Variants in DHDDS observed in about 807,000 individuals in gnomAD.
DHDDS encodes the protein dehydrodolichyl diphosphate synthase subunit.
DHDDS carries 16 observed loss-of-function variants against 46.2 expected under a neutral mutation model. The ratio of observed to expected loss-of-function variants is 0.35; its 90% confidence interval spans 0.23 to 0.53. DHDDS has a LOEUF of 0.53. Among genes scored for constraint, DHDDS ranks in the 20% least tolerant of loss-of-function variants. The pLI is 0.94. For synonymous variants in DHDDS, 151 were observed against 163.1 expected (o/e 0.93, Z 0.56); for missense variants, 340 against 423.7 (o/e 0.80, Z 1.73).
chr1:26,461,883 T>G (rs1402038016), intron 8 of DHDDS, among the ~76,000 whole-genome samples: 1 of 152,190 alleles, frequency 6.6e-6, no homozygotes, highest in African/African-American at 2.4e-5. Context: ...TTATCCACTG[T>G]CAGTGGGGAA....
intron 8 of DHDDS, among the ~76,000 whole-genome samples, chr1:26,465,467 C>T (rs1446623589): frequency 1.3e-5 from 2 of 152,182 alleles, no homozygotes; most frequent in Non-Finnish European, 2.9e-5. Context: ...GAGTTAATGT[C>T]TCAGACATTC....
At position 26,460,103 on chromosome 1, in the gene DHDDS, G is replaced by A. The variant is rs1229969030; in HGVS notation, c.724G>A (p.Glu242Lys). ...WPEYTFWNLFEAILQFQMNHS... is the reference protein window; with the variant it reads ...WPEYTFWNLFKAILQFQMNHS... ...AGAGTATACATTTTGGAACCTCTTCGAGGCCATCCTGCAGTTCCAGATGAA... is the reference window on the plus strand; with the variant it reads ...AGAGTATACATTTTGGAACCTCTTCAAGGCCATCCTGCAGTTCCAGATGAA... The change falls in exon 8 of 9, where the codon GAG (glutamate) becomes AAG (lysine). Residue 242 changes from glutamate (E) to lysine (K), a missense_variant. Transcript: ENST00000236342. The A allele has an allele frequency of 5.6e-6, 9 of 1,613,986 alleles. No individual in the cohort carries two copies. Among genetic ancestry groups the A allele is most frequent in the East Asian group, 2.2e-5 (1 of 44,894 alleles).
intron 3 of DHDDS, among the ~76,000 whole-genome samples, chr1:26,439,560 G>C (rs2075197241): frequency 6.6e-6 from 1 of 151,904 alleles, no homozygotes; most frequent in Non-Finnish European, 1.5e-5. Flanking sequence ...CCAACCTGGT[G>C]ACAGAGCAAG....
At chr1:26,462,069 T>G (rs553479547) in intron 8 of DHDDS, among the ~76,000 whole-genome samples, 17 of 151,382 alleles carry the variant, frequency 1.1e-4, no homozygotes, top group Middle Eastern at 3.4e-3. Context: ...TTTGTTTTTT[T>G]TTTTTTTTAG....
rs1375784790 is a variant in DHDDS at position 26,442,636 on chromosome 1, C to G, written c.181-95C>G. On this transcript the variant is annotated intron_variant, in intron 3 of 8. Transcript: ENST00000236342. Reference sequence around the variant, plus strand: ...CTTTGGGGAGGAGAAAAGTCTGTCTCCTATCTCCAACTCTGAGTCAGGACC... The same window carrying G: ...CTTTGGGGAGGAGAAAAGTCTGTCTGCTATCTCCAACTCTGAGTCAGGACC... 1.1e-5 allele frequency: 17 copies of G among 1,487,372 alleles called. No individual in the cohort carries two copies. The Admixed American group carries it at 2.8e-4, about 25-fold the overall frequency. 92.1% of individuals were successfully genotyped at this position (1,487,372 alleles called of 1,614,324 possible).
At chr1:26,447,753 C>A in intron 6 of DHDDS, 93 bp downstream of exon 6, 1 of 1,135,072 alleles carries the variant, frequency 8.8e-7, no homozygotes, top group Non-Finnish European at 1.3e-6. Flanking sequence ...CATTAGGAGG[C>A]CGAGGTGGGC....
chr1:26,463,992 CTTT>C (rs60149042), intron 8 of DHDDS, among the ~76,000 whole-genome samples: 1 of 93,766 alleles, frequency 1.1e-5, no homozygotes, highest in Non-Finnish European at 2.0e-5. Context: ...TATTTGCAAA[CTTT>C]TTTTTTTTTT....
chr1:26,463,734 G>A lies in DHDDS; in HGVS notation c.765+3590G>A, dbSNP rs569186786. ...TTGGTCAGGCTGGTCTCAAACCCCC[G>A]ACCTCAGGTGATCTGCCCGCCTCGG... On this transcript the variant is annotated intron_variant, in intron 8 of 8. Coordinates refer to ENST00000236342, the MANE Select transcript of DHDDS (RefSeq NM_205861.3). Among the ~76,000 whole-genome samples, 6 of 152,164 alleles carry A rather than the reference G, an allele frequency of 3.9e-5. No homozygotes were observed. The South Asian group carries it at 6.2e-4, about 16-fold the overall frequency.
intron 2 of DHDDS, among the ~76,000 whole-genome samples, chr1:26,434,067 GACTT>G (rs2075130339): frequency 6.6e-6 from 1 of 152,100 alleles, no homozygotes; most frequent in African/African-American, 2.4e-5. Flanking sequence ...GTAATCATGT[GACTT>G]TAACAACTGT....
At chr1:26,447,875 C>T (rs1414313378) in intron 6 of DHDDS, 1 of 622,690 alleles carries the variant, frequency 1.6e-6, no homozygotes, top group African/African-American at 1.8e-5. Context: ...CATAAAGCCC[C>T]TCTGTGCCAT....
rs556643545 is a variant in DHDDS at position 26,470,654 on chromosome 1, C to G, written c.*1523C>G. The G allele has an allele frequency of 6.6e-6, 1 of 152,648 alleles. No individual in the cohort carries two copies. Among genetic ancestry groups the G allele is most frequent in the Non-Finnish European group, 1.5e-5 (1 of 68,060 alleles). 9.5% of individuals were successfully genotyped at this position (152,648 alleles called of 1,614,324 possible). On this transcript the variant is annotated 3_prime_UTR_variant, in exon 9 of 9. Transcript: ENST00000236342. ...CAGAATCAAGCATAAATGCCAGACA[C>G]GGCGATTGAGAAGCCAATCAGTGAA...
rs2075521133 is a variant in DHDDS at position 26,468,881 on chromosome 1, C to CT, written c.766-10dup. On this transcript the variant is annotated splice_polypyrimidine_tract_variant and intron_variant, in intron 8 of 8. Transcript: ENST00000236342. ...AATGATCTCCCCACCCCAATCCCCA[C>CT]TTTTCTCTAGCAGAAGGCCCGAGAC... 5 of 1,613,562 alleles carry CT rather than the reference C, an allele frequency of 3.1e-6. No individual in the cohort carries two copies. The highest frequency in any genetic ancestry group is 4.2e-6 in the Non-Finnish European group (5 of 1,179,968).
intron 8 of DHDDS, 91 bp from the exon 9 acceptor site, chr1:26,468,803 CA>C: frequency 1.2e-5 from 16 of 1,292,376 alleles, no homozygotes; most frequent in East Asian, 5.7e-5. Flanking sequence ...TCACTTGGCC[CA>C]CCCTGTGCCC....
At position 26,457,752 on chromosome 1, in the gene DHDDS, G is replaced by A. The variant is rs761841296; in HGVS notation, c.543-39G>A. On this transcript the variant is annotated intron_variant, in intron 6 of 8. Coordinates refer to ENST00000236342, the MANE Select transcript of DHDDS (RefSeq NM_205861.3). ...AACACTACAGAAAGAGAATACTACA[G>A]GATGTGTGCCTCTCTTTGTCTCTTC... is the stretch of plus-strand genomic sequence containing the variant. The A allele has an allele frequency of 2.2e-5, 32 of 1,445,650 alleles. No homozygotes were observed. The African/African-American group carries it at 3.5e-4, about 16-fold the overall frequency. 89.6% of individuals were successfully genotyped at this position (1,445,650 alleles called of 1,614,324 possible). A position where few individuals can be genotyped will look rare whatever the true frequency, so the allele number is the denominator to read the frequency against.
chr1:26,469,016 G>A lies in DHDDS; in HGVS notation c.887G>A (p.Arg296Lys). ...GCCAGTGGGGACGCCCAGCTCCGAAGGACACGCTTGCACAAACTCTCGGCC... is the reference window on the plus strand; with the variant it reads ...GCCAGTGGGGACGCCCAGCTCCGAAAGACACGCTTGCACAAACTCTCGGCC... Reference protein sequence around the residue: ...LQASGDAQLRRTRLHKLSARR... With the variant: ...LQASGDAQLRKTRLHKLSARR... Residue 296 changes from arginine (R) to lysine (K), a missense_variant, in exon 9 of 9, where the codon AGG (arginine) becomes AAG (lysine). Around this residue, in one of 2 missense-constraint regions of DHDDS, gnomAD observed 268 missense variants for 300.3 expected, o/e 0.89. Transcript: ENST00000236342. 1.2e-6 allele frequency: 2 copies of A among 1,614,152 alleles called. No individual in the cohort carries two copies. Among genetic ancestry groups the A allele is most frequent in the Non-Finnish European group, 1.7e-6 (2 of 1,180,048 alleles).
At chr1:26,461,921 A>G (rs763583983) in intron 8 of DHDDS, among the ~76,000 whole-genome samples, 2 of 152,226 alleles carry the variant, frequency 1.3e-5, no homozygotes, top group Non-Finnish European at 2.9e-5. Context: ...CATATGACCA[A>G]AGCTCCCTCT....
At chr1:26,455,375 A>G (rs918033883) in intron 6 of DHDDS, among the ~76,000 whole-genome samples, 14 of 152,142 alleles carry the variant, frequency 9.2e-5, no homozygotes, top group African/African-American at 3.4e-4. Flanking sequence ...GCTCAATTAT[A>G]AGTGAATACT....
intron 2 of DHDDS, among the ~76,000 whole-genome samples, chr1:26,437,393 C>G (rs2075170722): frequency 6.6e-6 from 1 of 152,012 alleles, no homozygotes. Context: ...CTTTTTTAAT[C>G]CCAGCACTTC....
At position 26,446,859 on chromosome 1, in the gene DHDDS, G is replaced by T. The variant is rs1005848946; in HGVS notation, c.440+427G>T. 2.0e-5 allele frequency among the ~76,000 whole-genome samples: 3 copies of T among 152,196 alleles called. No individual in the cohort carries two copies. In the East Asian group the frequency reaches 5.8e-4, roughly 29 times the overall value. ...TGGGAGGTCATACAGATGTACAGGG[G>T]AATAGAGTTCAATAATCCAAACTCT... On this transcript the variant is annotated intron_variant, in intron 5 of 8. Coordinates refer to ENST00000236342, the MANE Select transcript of DHDDS (RefSeq NM_205861.3).
Sources: allele counts gnomAD v4.1 joint callset (sites outside exome capture counted in the v4.1 genomes callset), GRCh38; gene constraint gnomAD v4.1.1; regional missense constraint gnomAD v4.1.1; transcripts MANE v1.5; gene names NCBI Gene and HGNC (gene_info 2026-07-23, HGNC 2026-07-21).